The following ROBO2 variants were observed in gnomAD, a reference collection of about 807,000 sequenced individuals.
ROBO2 encodes the protein roundabout guidance receptor 2.
A neutral mutation model predicts 160.8 loss-of-function variants in ROBO2; 53 were observed. The ratio of observed to expected loss-of-function variants is 0.33; its 90% CI spans 0.26 to 0.41. The LOEUF is 0.41. Ranked by LOEUF, ROBO2 falls within the 10% of genes least tolerant of loss-of-function variation. The probability of loss-of-function intolerance (pLI) is 1.00; values close to 1 mark genes in which losing one functional copy is unlikely to be tolerated. For synonymous variants in ROBO2, 664 were observed against 611.7 expected, an observed-to-expected ratio of 1.09 and a Z score of -1.26; for missense variants, 1,577 against 1,722.4, an observed-to-expected ratio of 0.92 and a Z score of 1.49.
intron 2 of ROBO2, among the ~76,000 whole-genome samples, chr3:76,905,395 G>A (rs1365782043): frequency 2.0e-5 from 3 of 152,148 alleles, no homozygotes; most frequent in Non-Finnish European, 4.4e-5. Context: ...TAGAGTTAAA[G>A]AAGGCTTATG....
intron 2 of ROBO2, among the ~76,000 whole-genome samples, chr3:76,440,512 A>C (rs2076878557): frequency 6.6e-6 from 1 of 152,128 alleles, no homozygotes. Flanking sequence ...AAGTAGAAAA[A>C]GGAAGAGAAG....
chr3:77,393,046 T>C (rs1454342441), intron 2 of ROBO2, among the ~76,000 whole-genome samples: 3 of 152,192 alleles, frequency 2.0e-5, no homozygotes, highest in African/African-American at 7.2e-5. Flanking sequence ...ATCATTTTTG[T>C]CTTTCTGTGT....
Position 76,774,038 on chromosome 3 carries a change from G to A in ROBO2, c.110-323976G>A, listed in dbSNP as rs1397400903. 2.6e-5 allele frequency among the ~76,000 whole-genome samples: 4 copies of A among 150,948 alleles called. No homozygotes were observed. The East Asian group carries it at 7.9e-4, about 30-fold the overall frequency. The stretch of plus-strand genomic sequence containing the variant: ...TAAGAAGCAAGTGGATGATGATGTT[G>A]TTATTTCTGTGGGGCTTCAAGTCAT... On this transcript the variant is annotated intron_variant, in intron 2 of 26. Transcript: ENST00000487694.
intron 2 of ROBO2, among the ~76,000 whole-genome samples, chr3:77,289,898 A>G (rs1039154949): frequency 1.3e-5 from 2 of 151,994 alleles, no homozygotes; most frequent in African/African-American, 4.8e-5. Context: ...AGTTGAGCCT[A>G]GATCCCTAAA....
chr3:77,449,906 G>A (rs1320580210), intron 2 of ROBO2, among the ~76,000 whole-genome samples: 2 of 151,922 alleles, frequency 1.3e-5, no homozygotes, highest in Admixed American at 6.6e-5. Flanking sequence ...TGCACAATGG[G>A]CTTTTTATTT....
intron 2 of ROBO2, among the ~76,000 whole-genome samples, chr3:76,517,525 G>A (rs566567017): frequency 7.2e-5 from 11 of 152,278 alleles, no homozygotes; most frequent in African/African-American, 2.4e-4. Context: ...CAGCAGTAGA[G>A]TGTGGATTTC....
chr3:76,867,943 C>T (rs986787319), intron 2 of ROBO2, among the ~76,000 whole-genome samples: 4 of 152,120 alleles, frequency 2.6e-5, no homozygotes, highest in African/African-American at 9.7e-5. Flanking sequence ...GTTTCTCAGA[C>T]CCTCCAAGAT....
intron 2 of ROBO2, among the ~76,000 whole-genome samples, chr3:76,304,747 C>CTTCTTTCTTTCTTTCTTTCTTTCT (rs1222058179): frequency 5.9e-5 from 6 of 101,624 alleles, no homozygotes; most frequent in Non-Finnish European, 6.7e-5. Flanking sequence ...CTTTTCTTTC[C>CTTCTTTCTTTCTTTCTTTCTTTCT]TTCTTTCTTT....
In ROBO2 at chr3:76,037,560, A is replaced by G. The variant is rs1468512597; in HGVS notation, c.109+99958A>G. On this transcript the variant is annotated intron_variant, in intron 2 of 26. Transcript: ENST00000487694. ...TTCATTTTCCAATCACTATTTATGC[A>G]TTCTTCAATCATACTGCTTTACTCA... Among the ~76,000 whole-genome samples, 7 of 152,044 alleles carry G rather than the reference A, an allele frequency of 4.6e-5. No individual in the cohort carries two copies. In the East Asian group the frequency reaches 1.4e-3, roughly 29 times the overall value.
chr3:76,493,434 T>C (rs2079962679), intron 2 of ROBO2, among the ~76,000 whole-genome samples: 4 of 134,108 alleles, frequency 3.0e-5, no homozygotes, highest in South Asian at 4.5e-4. Context: ...AGTGACTTTC[T>C]TGATGAGTCT....
intron 2 of ROBO2, among the ~76,000 whole-genome samples, chr3:77,014,379 A>T (rs1252026552): frequency 2.0e-5 from 3 of 152,224 alleles, no homozygotes; most frequent in Non-Finnish European, 4.4e-5. Flanking sequence ...AACAACAGGC[A>T]GTGGAATTCA....
At chr3:76,830,661 A>C (rs2067000974) in intron 2 of ROBO2, among the ~76,000 whole-genome samples, 2 of 151,710 alleles carry the variant, frequency 1.3e-5, no homozygotes, top group Non-Finnish European at 2.9e-5. Context: ...TATTCTACGT[A>C]TATTTCAAAA....
At chr3:76,611,547 T>G (rs1395659804) in intron 2 of ROBO2, among the ~76,000 whole-genome samples, 1 of 152,272 alleles carries the variant, frequency 6.6e-6, no homozygotes, top group South Asian at 2.1e-4. Context: ...GTTTTCCGAT[T>G]TATTGGCATA....
chr3:76,753,308 T>C (rs535739850), intron 2 of ROBO2, among the ~76,000 whole-genome samples: 1 of 152,036 alleles, frequency 6.6e-6, no homozygotes, highest in East Asian at 1.9e-4. Context: ...TTTAAATCAA[T>C]TTTTGTTGAT....
chr3:76,063,083 A>T (rs1015154849), intron 2 of ROBO2, among the ~76,000 whole-genome samples: 7 of 152,202 alleles, frequency 4.6e-5, no homozygotes, highest in Non-Finnish European at 8.8e-5. Context: ...GTCACATATC[A>T]GCTCATTTAA....
chr3:76,524,801 T>TA (rs2081840515), intron 2 of ROBO2, among the ~76,000 whole-genome samples: 1 of 119,288 alleles, frequency 8.4e-6, no homozygotes. Flanking sequence ...GGGGTTTTCT[T>TA]AAAAACCTAT....
At chr3:77,307,710 C>G (rs1326440187) in intron 2 of ROBO2, among the ~76,000 whole-genome samples, 1 of 152,144 alleles carries the variant, frequency 6.6e-6, no homozygotes, top group African/African-American at 2.4e-5. Flanking sequence ...TAGCAAAACA[C>G]CATCTCTACT....
intron 2 of ROBO2, among the ~76,000 whole-genome samples, chr3:76,437,277 G>C (rs953590069): frequency 3.3e-5 from 5 of 152,144 alleles, no homozygotes; most frequent in African/African-American, 1.2e-4. Context: ...AATGACAAGG[G>C]CGATAAATGA....
chr3:77,127,408 T>C (rs1183804896), intron 2 of ROBO2, among the ~76,000 whole-genome samples: 1 of 152,176 alleles, frequency 6.6e-6, no homozygotes, highest in African/African-American at 2.4e-5. Context: ...ATCACCACCA[T>C]GTCTTTTATT....
Sources: allele counts gnomAD v4.1 joint callset (sites outside exome capture counted in the v4.1 genomes callset), GRCh38; gene constraint gnomAD v4.1.1; transcripts MANE v1.5; gene names NCBI Gene and HGNC (gene_info 2026-07-23, HGNC 2026-07-21).